Variants in CTNNA3 observed in about 807,000 individuals in gnomAD.
The protein encoded by CTNNA3 is catenin alpha-3.
In CTNNA3, 76 loss-of-function variants were observed where a neutral mutation model predicts 95.7. The observed-to-expected ratio is 0.79, with a 90% CI of 0.66 to 0.96. The LOEUF (loss-of-function observed/expected upper bound fraction) is 0.96, where lower values mean the gene tolerates loss of function less well. CTNNA3 is among the 40% of genes least tolerant of loss of function. CTNNA3 has a pLI of 0.00. For synonymous variants in CTNNA3, 431 were observed against 374.4 expected (o/e 1.15, Z -1.74); for missense variants, 1,191 against 1,089.8 (o/e 1.09, Z -1.31).
intron 9 of CTNNA3, among the ~76,000 whole-genome samples, chr10:66,624,393 G>A (rs2132325287): frequency 6.6e-6 from 1 of 151,928 alleles, no homozygotes; most frequent in East Asian, 1.9e-4. Flanking sequence ...CTCAACTAAT[G>A]GAAAGAAAAA....
chr10:66,192,879 T>G (rs2086757143), intron 13 of CTNNA3, among the ~76,000 whole-genome samples: 1 of 152,202 alleles, frequency 6.6e-6, no homozygotes. Flanking sequence ...GTGTGACTAC[T>G]TGATTAATTG....
chr10:66,479,973 C>CACACACACACACACAT (rs1839461485), intron 11 of CTNNA3, among the ~76,000 whole-genome samples: 1 of 151,838 alleles, frequency 6.6e-6, no homozygotes, highest in African/African-American at 2.4e-5. Flanking sequence ...CACACACACA[C>CACACACACACACACAT]ACACACCCCA....
intron 5 of CTNNA3, among the ~76,000 whole-genome samples, chr10:67,504,248 C>T (rs917997270): frequency 6.6e-6 from 1 of 150,382 alleles, no homozygotes; most frequent in African/African-American, 2.5e-5. Flanking sequence ...GTCAGGAAAT[C>T]GAGACCATCC....
At chr10:66,856,895 G>C (rs945778394) in intron 7 of CTNNA3, among the ~76,000 whole-genome samples, 1 of 152,038 alleles carries the variant, frequency 6.6e-6, no homozygotes, top group Non-Finnish European at 1.5e-5. Context: ...CTGTGCAGAA[G>C]CTCTTTAGTT....
intron 10 of CTNNA3, among the ~76,000 whole-genome samples, chr10:66,554,800 C>T (rs1842340750): frequency 6.6e-6 from 1 of 152,006 alleles, no homozygotes; most frequent in Non-Finnish European, 1.5e-5. Flanking sequence ...CTTCTTTCTT[C>T]ATTGTTTCCT....
At chr10:67,120,495 A>C (rs1859406786) in intron 7 of CTNNA3, among the ~76,000 whole-genome samples, 1 of 151,968 alleles carries the variant, frequency 6.6e-6, no homozygotes, top group South Asian at 2.1e-4. Context: ...CAAAATCTTA[A>C]AATACTTTGC....
At chr10:66,252,928 A>G (rs2090616999) in intron 13 of CTNNA3, among the ~76,000 whole-genome samples, 2 of 152,166 alleles carry the variant, frequency 1.3e-5, no homozygotes, top group Non-Finnish European at 2.9e-5. Context: ...AGAGGTATGC[A>G]TTTTCTAGCT....
intron 7 of CTNNA3, among the ~76,000 whole-genome samples, chr10:66,777,969 G>A (rs938573141): frequency 6.6e-6 from 1 of 152,176 alleles, no homozygotes; most frequent in Non-Finnish European, 1.5e-5. Flanking sequence ...AAGGATGACA[G>A]GAGGTGACAG....
chr10:66,906,453 T>C (rs1251901520), intron 7 of CTNNA3, among the ~76,000 whole-genome samples: 1 of 152,110 alleles, frequency 6.6e-6, no homozygotes, highest in Admixed American at 6.6e-5. Flanking sequence ...CTTTAACAAA[T>C]AGAATACAAG....
At chr10:66,560,660 G>A (rs1369651477) in intron 10 of CTNNA3, among the ~76,000 whole-genome samples, 3 of 151,826 alleles carry the variant, frequency 2.0e-5, no homozygotes, top group Non-Finnish European at 2.9e-5. Flanking sequence ...TTATATTCTC[G>A]GTCTTGATCT....
intron 15 of CTNNA3, among the ~76,000 whole-genome samples, chr10:66,043,439 A>C (rs1254014731): frequency 6.6e-6 from 1 of 152,068 alleles, no homozygotes. Flanking sequence ...AGCTATATTA[A>C]ATGAGTTTTG....
At chr10:66,237,347 G>C (rs2089903038) in intron 13 of CTNNA3, among the ~76,000 whole-genome samples, 5 of 152,080 alleles carry the variant, frequency 3.3e-5, no homozygotes, top group Admixed American at 3.3e-4. Context: ...TGAAACATCA[G>C]GGGAATTGTT....
At chr10:67,511,141 G>C (rs2133129210) in intron 5 of CTNNA3, among the ~76,000 whole-genome samples, 1 of 152,232 alleles carries the variant, frequency 6.6e-6, no homozygotes, top group African/African-American at 2.4e-5. Flanking sequence ...CTTCAAACAG[G>C]GAAAATTTGA....
intron 5 of CTNNA3, among the ~76,000 whole-genome samples, chr10:67,264,777 G>A (rs1209014420): frequency 6.6e-6 from 1 of 152,012 alleles, no homozygotes; most frequent in Non-Finnish European, 1.5e-5. Context: ...ACCTACTGAG[G>A]ACTAAAAGTA....
chr10:67,378,938 G>A (rs1318560780), intron 5 of CTNNA3, among the ~76,000 whole-genome samples: 3 of 152,068 alleles, frequency 2.0e-5, no homozygotes, highest in Non-Finnish European at 4.4e-5. Flanking sequence ...GTCAAATAAT[G>A]GGCACTTGAT....
intron 11 of CTNNA3, among the ~76,000 whole-genome samples, chr10:66,397,049 T>C (rs1041198461): frequency 6.6e-6 from 1 of 151,702 alleles, no homozygotes; most frequent in African/African-American, 2.4e-5. Context: ...AAAATTCATA[T>C]ATTTATTTCT....
chr10:67,633,301 T>C (rs1003069292), intron 2 of CTNNA3, among the ~76,000 whole-genome samples: 4 of 152,158 alleles, frequency 2.6e-5, no homozygotes, highest in African/African-American at 7.2e-5. Flanking sequence ...TCAGCCATTC[T>C]AGCCTGCCAG....
intron 5 of CTNNA3, among the ~76,000 whole-genome samples, chr10:67,519,727 C>A (rs1051341385): frequency 3.3e-5 from 5 of 152,024 alleles, no homozygotes; most frequent in Non-Finnish European, 7.4e-5. Context: ...TATGGTTGGA[C>A]CAGGGAACAA....
rs1840297283 is a variant in CTNNA3 at position 66,776,314 on chromosome 10, C to T, written c.1048-790G>A. ...TGATTCACCTCTAGGAAAATTGCTG[C>T]TGTTTAAATTAATAAACTGAAAAGG... On this transcript the variant is annotated intron_variant, in intron 7 of 17. Transcript: ENST00000433211. Among the ~76,000 whole-genome samples, 3 of 152,134 alleles carry T rather than the reference C, an allele frequency of 2.0e-5. No homozygotes were observed. The South Asian group carries it at 6.2e-4, about 31-fold the overall frequency.
Sources: gnomAD v4.1 joint callset for allele counts (sites outside exome capture counted in the v4.1 genomes callset) on GRCh38, gnomAD v4.1.1 for gene constraint, MANE v1.5 for transcripts, NCBI Gene and HGNC (gene_info 2026-07-23, HGNC 2026-07-21) for gene names.